The following TPM3 variants were observed in gnomAD, a reference collection of about 807,000 sequenced individuals.
TPM3 encodes the protein tropomyosin alpha-3 chain.
Under a neutral mutation model 43.1 loss-of-function variants are expected in TPM3, and 16 were observed. The observed-to-expected ratio is 0.37, with a 90% CI of 0.25 to 0.56. TPM3 has a LOEUF of 0.56. TPM3 is among the 20% of genes least tolerant of loss of function. The probability of loss-of-function intolerance (pLI) is 0.77; values close to 1 mark genes in which losing one functional copy is unlikely to be tolerated. For synonymous variants in TPM3, 101 were observed against 116.9 expected (o/e 0.86, Z 0.88); for missense variants, 176 against 337.2 (o/e 0.52, Z 3.74).
chr1:154,160,663 T>C (rs1241741427), downstream of TPM3, among the ~76,000 whole-genome samples: 1 of 152,102 alleles, frequency 6.6e-6, no homozygotes, highest in Non-Finnish European at 1.5e-5. Flanking sequence ...CATACAGGTA[T>C]CTGTTGGGCA....
chr1:154,180,729 G>T (rs1662845948), intron 2 of TPM3, among the ~76,000 whole-genome samples: 1 of 151,836 alleles, frequency 6.6e-6, no homozygotes, highest in Non-Finnish European at 1.5e-5. Flanking sequence ...CCAACATGGT[G>T]AAACCCCATC....
chr1:154,174,407 T>TATATACACACACACAC (rs1261318136), intron 3 of TPM3, among the ~76,000 whole-genome samples: 3 of 72,674 alleles, frequency 4.1e-5, no homozygotes, highest in African/African-American at 1.5e-4. Context: ...TATATATATA[T>TATATACACACACACAC]ACACACAAAA....
chr1:154,158,801 A>G (rs1443490638), downstream of TPM3: 2 of 637,734 alleles, frequency 3.1e-6, no homozygotes, highest in East Asian at 5.7e-5. Context: ...CACAATGGTC[A>G]ACTTCACAAT....
At chr1:154,175,057 C>T (rs1381944111) in intron 3 of TPM3, among the ~76,000 whole-genome samples, 7 of 151,930 alleles carry the variant, frequency 4.6e-5, no homozygotes, top group East Asian at 1.9e-4. Flanking sequence ...GAAGGCCGGG[C>T]GCAGTGGCTC....
chr1:154,167,227 A>C lies in TPM3; in HGVS notation c.*710T>G. 2.2e-6 allele frequency: 2 copies of C among 899,870 alleles called. No homozygotes were observed. The highest frequency in any genetic ancestry group is 5.1e-5 in the South Asian group (1 of 19,552). 55.7% of individuals were successfully genotyped at this position (899,870 alleles called of 1,614,324 possible). Reference sequence around the variant, plus strand: ...TATGTAAGAAAGGTTTAAAGAAGAAAAAGTAAAAAAACCGTCCAGAATTCT... The same window carrying C: ...TATGTAAGAAAGGTTTAAAGAAGAACAAGTAAAAAAACCGTCCAGAATTCT... On this transcript the variant is annotated 3_prime_UTR_variant, in exon 10 of 10. Coordinates refer to ENST00000651641, the MANE Select transcript of TPM3 (RefSeq NM_152263.4).
downstream of TPM3, chr1:154,156,931 G>A (rs1659869779): frequency 5.1e-6 from 1 of 198,018 alleles, no homozygotes; most frequent in Non-Finnish European, 1.0e-5. Flanking sequence ...TTGTGAGGGG[G>A]TAGAGATGGG....
At chr1:154,175,070 G>C (rs1461312013) in intron 3 of TPM3, among the ~76,000 whole-genome samples, 1 of 151,768 alleles carries the variant, frequency 6.6e-6, no homozygotes, top group African/African-American at 2.4e-5. Flanking sequence ...AGTGGCTCAC[G>C]CCTGTAATCC....
chr1:154,168,085 GC>G (rs1460036153), intron 9 of TPM3, 145 bp from the exon 10 acceptor site: 1 of 1,239,574 alleles, frequency 8.1e-7, no homozygotes, highest in Non-Finnish European at 1.2e-6. Flanking sequence ...GAGAAATGTG[GC>G]TTCTTTTCAG....
chr1:154,175,979 C>T, intron 3 of TPM3, 136 bp downstream of exon 3: 4 of 1,462,210 alleles, frequency 2.7e-6, no homozygotes, highest in Non-Finnish European at 3.8e-6. Context: ...CTCAGCGTCC[C>T]AAAGTGCTGG....
At chr1:154,176,380 A>G in intron 2 of TPM3, 132 bp from the exon 3 acceptor site, 1 of 1,273,220 alleles carries the variant, frequency 7.9e-7, no homozygotes, top group Non-Finnish European at 1.1e-6. Context: ...GTCTTAGCTC[A>G]GCTGTTAAAA....
chr1:154,179,440 A>C (rs1662699900), intron 2 of TPM3, among the ~76,000 whole-genome samples: 2 of 152,220 alleles, frequency 1.3e-5, no homozygotes, highest in Non-Finnish European at 2.9e-5. Flanking sequence ...ACAACAGTCA[A>C]GCATTCTAAC....
intron 2 of TPM3, among the ~76,000 whole-genome samples, chr1:154,176,847 C>T (rs997739807): frequency 3.3e-5 from 5 of 151,466 alleles, no homozygotes; most frequent in Non-Finnish European, 7.4e-5. Context: ...GGTGTGGTGG[C>T]GCGTACCTCT....
In TPM3 at chr1:154,170,384, A is replaced by C. The variant is rs748937792; in HGVS notation, c.775+16T>G. ...TCTATATTTCTCTATTTCAATCCCT[A>C]CTCCAGGTTCCATACCTTCCAGGTC... On this transcript the variant is annotated intron_variant, in intron 8 of 9. Coordinates refer to ENST00000651641, the MANE Select transcript of TPM3 (RefSeq NM_152263.4). 1 of 1,613,438 alleles carries C rather than the reference A, an allele frequency of 6.2e-7. No individual in the cohort carries two copies. The highest frequency in any genetic ancestry group is 1.7e-5 in the Admixed American group (1 of 59,972).
At chr1:154,172,162 A>G in intron 5 of TPM3, 1 of 1,556,690 alleles carries the variant, frequency 6.4e-7, no homozygotes, top group African/African-American at 1.4e-5. Context: ...GAGAAAGGTC[A>G]AAAAGGAACA....
downstream of TPM3, chr1:154,159,141 A>G (rs1289236621): frequency 1.4e-6 from 1 of 736,072 alleles, no homozygotes; most frequent in Non-Finnish European, 2.5e-6. Flanking sequence ...GAGTACCAGA[A>G]GTAAATTATG....
intron 9 of TPM3, 119 bp from the exon 10 acceptor site, chr1:154,168,059 C>T (rs774931702): frequency 9.2e-6 from 13 of 1,412,824 alleles, no homozygotes; most frequent in Non-Finnish European, 1.3e-5. Flanking sequence ...TAAAAGAGAG[C>T]CAGACACTTC....
At chr1:154,191,384 G>A (rs989656648) in intron 1 of TPM3, 73 bp from the exon 2 acceptor site, 3 of 1,606,388 alleles carry the variant, frequency 1.9e-6, no homozygotes, top group Non-Finnish European at 2.5e-6. Flanking sequence ...TGGGCTCTTG[G>A]AGCCCTGAGT....
downstream of TPM3, among the ~76,000 whole-genome samples, chr1:154,159,286 G>A (rs1449005948): frequency 1.3e-5 from 2 of 152,172 alleles, no homozygotes; most frequent in East Asian, 3.9e-4. Context: ...TGACAAGTTG[G>A]TAGGACAACA....
At chr1:154,184,419 C>G (rs1310121352) in intron 2 of TPM3, among the ~76,000 whole-genome samples, 2 of 152,120 alleles carry the variant, frequency 1.3e-5, no homozygotes, top group Non-Finnish European at 2.9e-5. Flanking sequence ...ATCAGCTGGG[C>G]GTGGTAGCTC....
Sources: allele counts gnomAD v4.1 joint callset (sites outside exome capture counted in the v4.1 genomes callset), GRCh38; gene constraint gnomAD v4.1.1; transcripts MANE v1.5; gene names NCBI Gene and HGNC (gene_info 2026-07-23, HGNC 2026-07-21).